The following RAD51B variants were observed in gnomAD, a reference collection of about 807,000 sequenced individuals.
RAD51B encodes RAD51 paralog B.
In RAD51B, 38 loss-of-function variants were observed where a neutral mutation model predicts 42.2. That is an observed-to-expected ratio of 0.90 (90% confidence interval 0.70 to 1.18). The LOEUF (loss-of-function observed/expected upper bound fraction) is 1.18. Ranked by LOEUF, RAD51B falls within the 50% of genes most tolerant of loss-of-function variation. The pLI, the probability that RAD51B is intolerant of heterozygous loss-of-function variation, is 0.00. For synonymous variants in RAD51B, 154 were observed against 145.2 expected, an observed-to-expected ratio of 1.06 and a Z score of -0.43; for missense variants, 373 against 400.7, an observed-to-expected ratio of 0.93 and a Z score of 0.59.
chr14:68,021,392 G>A (rs1419035300), intron 7 of RAD51B, among the ~76,000 whole-genome samples: 2 of 152,116 alleles, frequency 1.3e-5, no homozygotes, highest in South Asian at 4.1e-4. Context: ...TGGCTCTCCC[G>A]TGAGATGGTG....
At chr14:68,230,845 C>T (rs905667718) in intron 7 of RAD51B, among the ~76,000 whole-genome samples, 1 of 152,098 alleles carries the variant, frequency 6.6e-6, no homozygotes, top group Non-Finnish European at 1.5e-5. Context: ...ATTGTAGTTG[C>T]TTGGAGTAGA....
At chr14:68,401,914 G>A (rs1438571387) in intron 8 of RAD51B, among the ~76,000 whole-genome samples, 4 of 152,184 alleles carry the variant, frequency 2.6e-5, no homozygotes, top group Non-Finnish European at 5.9e-5. Context: ...AATAGATAGC[G>A]TGTGGTCCCT....
At chr14:68,298,500 G>A (rs2081656127) in intron 8 of RAD51B, among the ~76,000 whole-genome samples, 1 of 152,222 alleles carries the variant, frequency 6.6e-6, no homozygotes, top group East Asian at 1.9e-4. Flanking sequence ...CCTTGAGGTA[G>A]TTTGTGTGGG....
At chr14:68,323,889 C>T (rs2082201014) in intron 8 of RAD51B, among the ~76,000 whole-genome samples, 1 of 152,176 alleles carries the variant, frequency 6.6e-6, no homozygotes, top group Non-Finnish European at 1.5e-5. Context: ...GTTCAAGCTT[C>T]ACCTTCAAGC....
intron 7 of RAD51B, among the ~76,000 whole-genome samples, chr14:67,988,095 C>T (rs1244974912): frequency 6.6e-6 from 1 of 152,066 alleles, no homozygotes; most frequent in Non-Finnish European, 1.5e-5. Context: ...AGTTATGTGC[C>T]ATAGTATGAA....
intron 7 of RAD51B, among the ~76,000 whole-genome samples, chr14:68,039,477 A>G (rs1398724227): frequency 6.6e-6 from 1 of 151,822 alleles, no homozygotes; most frequent in Non-Finnish European, 1.5e-5. Context: ...CCATTATACT[A>G]TGAATAGCAC....
chr14:67,854,719 T>C (rs763735924), intron 4 of RAD51B, among the ~76,000 whole-genome samples: 10 of 151,826 alleles, frequency 6.6e-5, no homozygotes, highest in Non-Finnish European at 1.5e-4. Context: ...TCCCAGCACT[T>C]TGGGAGGCTG....
chr14:67,932,603 T>C (rs10135925), intron 7 of RAD51B, among the ~76,000 whole-genome samples: 6 of 152,058 alleles, frequency 3.9e-5, no homozygotes, highest in African/African-American at 1.5e-4. Flanking sequence ...CAAGTTCTCA[T>C]GTCCCTGGGA....
intron 7 of RAD51B, among the ~76,000 whole-genome samples, chr14:68,205,967 T>C (rs1333467772): frequency 6.6e-6 from 1 of 152,218 alleles, no homozygotes; most frequent in East Asian, 1.9e-4. Context: ...GGCTCAAAGA[T>C]ACAATAGTGT....
intron 7 of RAD51B, among the ~76,000 whole-genome samples, chr14:68,182,164 C>T (rs1309969031): frequency 6.6e-6 from 1 of 152,164 alleles, no homozygotes; most frequent in African/African-American, 2.4e-5. Context: ...CTATTCAAGC[C>T]ATCTTGTGCT....
At chr14:68,098,888 A>G (rs905123262) in intron 7 of RAD51B, among the ~76,000 whole-genome samples, 8 of 152,346 alleles carry the variant, frequency 5.3e-5, no homozygotes, top group Admixed American at 3.3e-4. Context: ...AGTTGTGTCC[A>G]TGGCGGTGTT....
Position 68,060,926 on chromosome 14 carries a change from A to G in RAD51B, c.756+173722A>G, listed in dbSNP as rs112696919. Reference sequence around the variant, plus strand: ...ATTTCTGGGTTCTCTATTCTCTTGCATTGGTCTGGGTCTGTTTTTGTGTCA... The same window carrying G: ...ATTTCTGGGTTCTCTATTCTCTTGCGTTGGTCTGGGTCTGTTTTTGTGTCA... On this transcript the variant is annotated intron_variant, in intron 7 of 10. Coordinates refer to ENST00000471583, the MANE Select transcript of RAD51B (RefSeq NM_133510.4). Among the ~76,000 whole-genome samples, 626 of 151,808 alleles carry G rather than the reference A, an allele frequency of 4.1e-3. 6 individuals carry two copies. Among genetic ancestry groups the G allele is most frequent in the African/African-American group, 0.014 (592 of 41,368 alleles).
chr14:67,943,711 T>C (rs1378150979), intron 7 of RAD51B, among the ~76,000 whole-genome samples: 1 of 152,218 alleles, frequency 6.6e-6, no homozygotes, highest in Non-Finnish European at 1.5e-5. Flanking sequence ...ATTTGACATA[T>C]GGTAAGCCCT....
intron 9 of RAD51B, among the ~76,000 whole-genome samples, chr14:68,439,153 T>TACACACAC (rs10565900): frequency 3.4e-5 from 4 of 119,288 alleles, no homozygotes; most frequent in Admixed American, 9.5e-5. Flanking sequence ...TGTATTTTTG[T>TACACACAC]ACACACACAC....
intron 8 of RAD51B, among the ~76,000 whole-genome samples, chr14:68,330,856 C>T (rs1199561972): frequency 2.6e-5 from 4 of 151,936 alleles, no homozygotes; most frequent in Non-Finnish European, 5.9e-5. Context: ...GTATTGGTGA[C>T]AGTGTGTTTG....
At chr14:68,297,587 A>G (rs1595675627) in intron 8 of RAD51B, among the ~76,000 whole-genome samples, 1 of 152,184 alleles carries the variant, frequency 6.6e-6, no homozygotes, top group East Asian at 1.9e-4. Flanking sequence ...ACCAACGGGT[A>G]TGAGTGGAGT....
At chr14:68,644,750 TG>T (rs1201868802) in intron 10 of RAD51B, among the ~76,000 whole-genome samples, 1 of 152,042 alleles carries the variant, frequency 6.6e-6, no homozygotes, top group African/African-American at 2.4e-5. Context: ...GTTTGTCGTT[TG>T]CTTTTTTTTT....
chr14:68,602,644 C>T (rs184412899), intron 10 of RAD51B, among the ~76,000 whole-genome samples: 11 of 152,266 alleles, frequency 7.2e-5, no homozygotes, highest in Admixed American at 6.5e-4. Context: ...GAAATCTGAC[C>T]TCAGTCTCTT....
At chr14:67,977,839 A>G (rs1358744110) in intron 7 of RAD51B, among the ~76,000 whole-genome samples, 2 of 152,222 alleles carry the variant, frequency 1.3e-5, no homozygotes, top group Non-Finnish European at 2.9e-5. Flanking sequence ...CTGAGAGCCC[A>G]TGGGAAATAA....
Sources: gnomAD v4.1 joint callset for allele counts (sites outside exome capture counted in the v4.1 genomes callset) on GRCh38, gnomAD v4.1.1 for gene constraint, MANE v1.5 for transcripts, NCBI Gene and HGNC (gene_info 2026-07-23, HGNC 2026-07-21) for gene names.